The following NRG3 variants were observed in gnomAD, a reference collection of about 807,000 sequenced individuals.
NRG3 encodes the protein pro-neuregulin-3, membrane-bound isoform.
NRG3 carries 31 observed loss-of-function variants against 66.9 expected under a neutral mutation model. The observed-to-expected ratio is 0.46, with a 90% CI of 0.35 to 0.63. NRG3 has a LOEUF of 0.63. Among genes scored for constraint, NRG3 ranks in the 20% least tolerant of loss-of-function variants. NRG3 has a pLI of 0.00. For missense variants in NRG3, 910 were observed against 878.9 expected (o/e 1.04, Z -0.45); for synonymous variants, 393 against 359.4 (o/e 1.09, Z -1.06).
chr10:82,027,087 A>T (rs2062347670), intron 1 of NRG3, among the ~76,000 whole-genome samples: 1 of 152,062 alleles, frequency 6.6e-6, no homozygotes, highest in South Asian at 2.1e-4. Flanking sequence ...TTGTCAAATC[A>T]ATTTTCTAGG....
intron 8 of NRG3, among the ~76,000 whole-genome samples, chr10:82,980,272 G>T (rs1026618162): frequency 2.0e-5 from 3 of 152,086 alleles, no homozygotes; most frequent in Non-Finnish European, 2.9e-5. Context: ...TTGTTGGGCA[G>T]ATTTTTAAAA....
At chr10:82,608,818 T>G (rs2133470938) in intron 2 of NRG3, among the ~76,000 whole-genome samples, 1 of 152,140 alleles carries the variant, frequency 6.6e-6, no homozygotes, top group Middle Eastern at 3.4e-3. Context: ...AATGGCTACT[T>G]CCCCTGCCCC....
chr10:82,723,426 A>T (rs760527440), intron 2 of NRG3, among the ~76,000 whole-genome samples: 1 of 152,208 alleles, frequency 6.6e-6, no homozygotes, highest in Admixed American at 6.6e-5. Flanking sequence ...CATGCAAAAT[A>T]CCCATGTTAC....
At chr10:81,917,477 A>C (rs1366168152) in intron 1 of NRG3, among the ~76,000 whole-genome samples, 1 of 152,256 alleles carries the variant, frequency 6.6e-6, no homozygotes, top group Non-Finnish European at 1.5e-5. Flanking sequence ...AAATGAATAA[A>C]TAAATGAATA....
chr10:81,994,852 G>GA (rs2133606132), intron 1 of NRG3, among the ~76,000 whole-genome samples: 1 of 152,030 alleles, frequency 6.6e-6, no homozygotes, highest in Non-Finnish European at 1.5e-5. Context: ...ATTTTAATAG[G>GA]ATTTACTTTT....
At chr10:82,588,594 C>G (rs1291204537) in intron 2 of NRG3, among the ~76,000 whole-genome samples, 1 of 151,984 alleles carries the variant, frequency 6.6e-6, no homozygotes, top group African/African-American at 2.4e-5. Context: ...GCTCCGCCTC[C>G]CGGGTTCAAG....
intron 1 of NRG3, among the ~76,000 whole-genome samples, chr10:82,036,397 C>T (rs937897403): frequency 6.6e-6 from 1 of 152,072 alleles, no homozygotes; most frequent in Non-Finnish European, 1.5e-5. Flanking sequence ...TCCTAACAAC[C>T]CTGCTAGGCA....
intron 2 of NRG3, among the ~76,000 whole-genome samples, chr10:82,469,320 A>G (rs1841002762): frequency 6.6e-6 from 1 of 152,150 alleles, no homozygotes; most frequent in Non-Finnish European, 1.5e-5. Flanking sequence ...GGGAGATAGT[A>G]ATGGTCAGAC....
At chr10:82,833,017 G>C (rs2062604973) in intron 3 of NRG3, among the ~76,000 whole-genome samples, 1 of 151,994 alleles carries the variant, frequency 6.6e-6, no homozygotes, top group Non-Finnish European at 1.5e-5. Context: ...TGTTTCCATG[G>C]ACCTTGCTGT....
chr10:82,349,711 A>T (rs2083292365), intron 1 of NRG3, among the ~76,000 whole-genome samples: 1 of 152,050 alleles, frequency 6.6e-6, no homozygotes, highest in Non-Finnish European at 1.5e-5. Flanking sequence ...GCTAGCAATC[A>T]GGGAGACTCC....
At chr10:82,242,224 C>T (rs2077037772) in intron 1 of NRG3, among the ~76,000 whole-genome samples, 1 of 151,896 alleles carries the variant, frequency 6.6e-6, no homozygotes. Flanking sequence ...TCGTGGATGC[C>T]CCCCAGTTTT....
intron 2 of NRG3, among the ~76,000 whole-genome samples, chr10:82,632,708 C>T (rs1004194509): frequency 3.3e-5 from 5 of 152,126 alleles, no homozygotes; most frequent in African/African-American, 1.2e-4. Context: ...CCCCAAAATA[C>T]TTGTGAATCA....
intron 1 of NRG3, among the ~76,000 whole-genome samples, chr10:82,000,230 T>C (rs1466312310): frequency 3.3e-5 from 5 of 152,222 alleles, no homozygotes; most frequent in Non-Finnish European, 7.3e-5. Context: ...TAGAAAAAGA[T>C]TGTATATACA....
intron 2 of NRG3, among the ~76,000 whole-genome samples, chr10:82,554,356 G>T (rs182357279): frequency 6.6e-6 from 1 of 152,244 alleles, no homozygotes; most frequent in East Asian, 1.9e-4. Flanking sequence ...TCATTACACA[G>T]CATATACCTG....
intron 1 of NRG3, among the ~76,000 whole-genome samples, chr10:81,945,670 C>T (rs528081041): frequency 6.6e-6 from 1 of 152,090 alleles, no homozygotes; most frequent in African/African-American, 2.4e-5. Flanking sequence ...CCTTTCAACC[C>T]CCCAAATTTA....
intron 2 of NRG3, among the ~76,000 whole-genome samples, chr10:82,677,722 A>C (rs2134093927): frequency 6.6e-6 from 1 of 152,286 alleles, no homozygotes; most frequent in African/African-American, 2.4e-5. Flanking sequence ...TGAGAGACTG[A>C]GGCAGGTTTT....
chr10:82,418,532 A>C (rs1447570008), intron 2 of NRG3, among the ~76,000 whole-genome samples: 1 of 151,834 alleles, frequency 6.6e-6, no homozygotes, highest in Non-Finnish European at 1.5e-5. Flanking sequence ...TTGCAGATTA[A>C]TGTCCTTGGT....
intron 4 of NRG3, among the ~76,000 whole-genome samples, chr10:82,919,697 T>G (rs959460058): frequency 6.6e-6 from 1 of 152,120 alleles, no homozygotes; most frequent in South Asian, 2.1e-4. Context: ...CTAACACAAA[T>G]GTAGATCAGA....
At chr10:82,804,348 G>A (rs1481611014) in intron 3 of NRG3, among the ~76,000 whole-genome samples, 1 of 152,154 alleles carries the variant, frequency 6.6e-6, no homozygotes, top group Non-Finnish European at 1.5e-5. Flanking sequence ...CACACATCAA[G>A]CTGCAAAGGT....
Sources: allele counts gnomAD v4.1 joint callset (sites outside exome capture counted in the v4.1 genomes callset), GRCh38; gene constraint gnomAD v4.1.1; transcripts MANE v1.5; gene names NCBI Gene and HGNC (gene_info 2026-07-23, HGNC 2026-07-21).